Variants in BCKDHB observed in about 807,000 individuals in gnomAD.
BCKDHB encodes 2-oxoisovalerate dehydrogenase subunit beta, mitochondrial.
Under a neutral mutation model 48.5 loss-of-function variants are expected in BCKDHB, and 41 were observed. The observed-to-expected ratio is 0.85, with a 90% CI of 0.66 to 1.10. The LOEUF is 1.10. Ranked by LOEUF, BCKDHB falls within the 50% of genes least tolerant of loss-of-function variation. The pLI is 0.00. For missense variants in BCKDHB, 496 were observed against 494.2 expected (o/e 1.00, Z -0.03); for synonymous variants, 201 against 174.8 (o/e 1.15, Z -1.18).
the BCKDHB span, among the ~76,000 whole-genome samples, chr6:80,448,494 G>T: frequency 6.6e-6 from 1 of 152,106 alleles, no homozygotes; most frequent in South Asian, 2.1e-4. Flanking sequence ...GGCCAGGATG[G>T]CAATGACAGA....
At chr6:80,373,117 A>G in the BCKDHB span, among the ~76,000 whole-genome samples, 8 of 152,108 alleles carry the variant, frequency 5.3e-5, no homozygotes, top group Admixed American at 1.3e-4. Flanking sequence ...TACCATTTCA[A>G]TCTTACTGCT....
At chr6:80,362,284 A>G in the BCKDHB span, among the ~76,000 whole-genome samples, 2 of 152,186 alleles carry the variant, frequency 1.3e-5, no homozygotes, top group Non-Finnish European at 2.9e-5. Flanking sequence ...TTGAGCCCCA[A>G]GTTCCTGGTT....
At chr6:80,196,155 A>G (rs1441355229) in intron 6 of BCKDHB, among the ~76,000 whole-genome samples, 1 of 152,170 alleles carries the variant, frequency 6.6e-6, no homozygotes, top group African/African-American at 2.4e-5. Context: ...ACAAGTTATT[A>G]ATATATTGAA....
the BCKDHB span, among the ~76,000 whole-genome samples, chr6:80,382,408 G>C: frequency 6.6e-6 from 1 of 152,140 alleles, no homozygotes. Context: ...ATCTTCACTA[G>C]ATTCTAGATA....
chr6:80,235,648 AG>A (rs1426208939), intron 8 of BCKDHB, among the ~76,000 whole-genome samples: 1 of 152,180 alleles, frequency 6.6e-6, no homozygotes, highest in Non-Finnish European at 1.5e-5. Flanking sequence ...TTATGTCCAA[AG>A]GCCAGTGGCA....
At chr6:80,121,679 G>A (rs1418231287) in intron 1 of BCKDHB, among the ~76,000 whole-genome samples, 2 of 152,162 alleles carry the variant, frequency 1.3e-5, no homozygotes, top group Non-Finnish European at 2.9e-5. Context: ...GTATAGGAAT[G>A]CTTGTGATTT....
At chr6:80,128,915 G>T (rs1770479511) in intron 2 of BCKDHB, among the ~76,000 whole-genome samples, 1 of 150,894 alleles carries the variant, frequency 6.6e-6, no homozygotes, top group South Asian at 2.1e-4. Flanking sequence ...TGTGGTAACT[G>T]TCATCCAGTG....
chr6:80,426,021 A>G, the BCKDHB span, among the ~76,000 whole-genome samples: 1 of 152,164 alleles, frequency 6.6e-6, no homozygotes, highest in Non-Finnish European at 1.5e-5. Context: ...CTCTCAACTC[A>G]TACTTAGCAG....
chr6:80,234,675 C>A (rs1250347508), intron 8 of BCKDHB, among the ~76,000 whole-genome samples: 1 of 152,024 alleles, frequency 6.6e-6, no homozygotes. Flanking sequence ...ACCCAGCAAT[C>A]CCACTGCTGG....
chr6:80,411,918 G>T, the BCKDHB span, among the ~76,000 whole-genome samples: 1 of 152,224 alleles, frequency 6.6e-6, no homozygotes, highest in Non-Finnish European at 1.5e-5. Flanking sequence ...CTTCCCGGGT[G>T]AGGTGAGGCC....
chr6:80,251,078 C>A (rs1285395813), intron 8 of BCKDHB, among the ~76,000 whole-genome samples: 1 of 152,142 alleles, frequency 6.6e-6, no homozygotes, highest in Non-Finnish European at 1.5e-5. Context: ...ATAGTTAAGT[C>A]ATTTAACTTT....
At chr6:80,299,378 C>T (rs1767432489) in intron 9 of BCKDHB, among the ~76,000 whole-genome samples, 1 of 152,100 alleles carries the variant, frequency 6.6e-6, no homozygotes, top group Non-Finnish European at 1.5e-5. Flanking sequence ...TACCAGACGC[C>T]ACCACTTACC....
chr6:80,129,030 C>G (rs1770488165), intron 2 of BCKDHB, 131 bp from the exon 3 acceptor site: 1 of 721,542 alleles, frequency 1.4e-6, no homozygotes, highest in Admixed American at 2.6e-5. Flanking sequence ...AGTTGAGAAA[C>G]CTTGATCGAG....
At chr6:80,449,108 A>T in the BCKDHB span, among the ~76,000 whole-genome samples, 1 of 152,276 alleles carries the variant, frequency 6.6e-6, no homozygotes, top group South Asian at 2.1e-4. Flanking sequence ...TTGAATCAGG[A>T]TCCCATAATC....
the BCKDHB span, among the ~76,000 whole-genome samples, chr6:80,452,164 A>C: frequency 6.6e-6 from 1 of 152,172 alleles, no homozygotes; most frequent in East Asian, 1.9e-4. Flanking sequence ...TGTCACTTAG[A>C]TCTTGTATAC....
downstream of BCKDHB, among the ~76,000 whole-genome samples, chr6:80,348,257 C>T (rs1770296147): frequency 6.6e-6 from 1 of 152,024 alleles, no homozygotes; most frequent in African/African-American, 2.4e-5. Context: ...TATCTCAATT[C>T]CTTAGGTTTA....
At chr6:80,169,100 C>G in intron 5 of BCKDHB, 70 bp downstream of exon 5, 1 of 1,546,446 alleles carries the variant, frequency 6.5e-7, no homozygotes, top group Non-Finnish European at 8.9e-7. Context: ...TATTTAATAT[C>G]TATGCTTATC....
At chr6:80,290,070 CTT>C (rs1418496946) in intron 9 of BCKDHB, among the ~76,000 whole-genome samples, 2 of 152,140 alleles carry the variant, frequency 1.3e-5, no homozygotes, top group African/African-American at 2.4e-5. Flanking sequence ...TACCTGAGTA[CTT>C]TCCTAGTGAC....
the BCKDHB span, among the ~76,000 whole-genome samples, chr6:80,456,878 T>G: frequency 8.5e-5 from 13 of 152,256 alleles, no homozygotes; most frequent in African/African-American, 3.1e-4. Context: ...GACTAGTACA[T>G]CTTCCGTCTT....
Sources: gnomAD v4.1 joint callset for allele counts (sites outside exome capture counted in the v4.1 genomes callset) on GRCh38, gnomAD v4.1.1 for gene constraint, MANE v1.5 for transcripts, NCBI Gene and HGNC (gene_info 2026-07-23, HGNC 2026-07-21) for gene names.